Variants in GRHL2 observed in about 807,000 individuals in gnomAD.
GRHL2 encodes grainyhead-like protein 2 homolog.
In GRHL2, 21 loss-of-function variants were observed where a neutral mutation model predicts 83.8. The observed-to-expected ratio is 0.25, with a 90% CI of 0.18 to 0.36. GRHL2 has a LOEUF of 0.36. Among genes scored for constraint, GRHL2 ranks in the 10% least tolerant of loss-of-function variants. GRHL2 has a pLI of 1.00. For synonymous variants in GRHL2, 280 were observed against 278.9 expected (o/e 1.00, Z -0.04); for missense variants, 623 against 781.8 (o/e 0.80, Z 2.42).
At chr8:101,622,626 G>C (rs1285184031) in intron 9 of GRHL2, among the ~76,000 whole-genome samples, 1 of 152,124 alleles carries the variant, frequency 6.6e-6, no homozygotes, top group East Asian at 1.9e-4. Context: ...TAGATGCTGG[G>C]AAGAGAGAGG....
chr8:101,597,096 A>C (rs1268113257), intron 7 of GRHL2, among the ~76,000 whole-genome samples: 1 of 152,182 alleles, frequency 6.6e-6, no homozygotes, highest in Admixed American at 6.5e-5. Context: ...GTAGAGAGAA[A>C]AAGGGAAATA....
chr8:101,591,736 A>C (rs1812286786), intron 7 of GRHL2, among the ~76,000 whole-genome samples: 1 of 152,154 alleles, frequency 6.6e-6, no homozygotes. Flanking sequence ...TGCTTCATAG[A>C]GTGGTTGCCA....
chr8:101,608,779 C>T (rs937852569), intron 8 of GRHL2, among the ~76,000 whole-genome samples: 9 of 134,008 alleles, frequency 6.7e-5, no homozygotes, highest in Non-Finnish European at 1.1e-4. Flanking sequence ...ACACACACAC[C>T]TACACCTCAT....
intron 3 of GRHL2, among the ~76,000 whole-genome samples, chr8:101,554,507 A>AT (rs1336280375): frequency 1.3e-5 from 2 of 151,382 alleles, no homozygotes; most frequent in Non-Finnish European, 2.9e-5. Context: ...TACTTTTGTG[A>AT]TTTTCATAGA....
chr8:101,579,578 G>A (rs1419203714), intron 7 of GRHL2, among the ~76,000 whole-genome samples: 1 of 152,116 alleles, frequency 6.6e-6, no homozygotes, highest in African/African-American at 2.4e-5. Flanking sequence ...AATGAGACAT[G>A]AATTTTCTGA....
At chr8:101,530,077 C>T (rs1005548217) in intron 1 of GRHL2, among the ~76,000 whole-genome samples, 5 of 152,194 alleles carry the variant, frequency 3.3e-5, no homozygotes, top group Non-Finnish European at 5.9e-5. Context: ...TTCCATTGGG[C>T]ACACTGTACA....
intron 7 of GRHL2, among the ~76,000 whole-genome samples, chr8:101,597,224 A>G (rs1389845806): frequency 6.6e-6 from 1 of 152,132 alleles, no homozygotes; most frequent in Non-Finnish European, 1.5e-5. Flanking sequence ...AGCTCCCAGG[A>G]GTATGAATTT....
chr8:101,493,610 T>C (rs1268151993), intron 1 of GRHL2, among the ~76,000 whole-genome samples: 5 of 152,036 alleles, frequency 3.3e-5, no homozygotes, highest in African/African-American at 1.2e-4. Flanking sequence ...CCCGACGGCG[T>C]CTGCACGCCC....
At chr8:101,530,017 C>A (rs1320119566) in intron 1 of GRHL2, among the ~76,000 whole-genome samples, 1 of 152,098 alleles carries the variant, frequency 6.6e-6, no homozygotes, top group Non-Finnish European at 1.5e-5. Context: ...CCTAGGAACC[C>A]CAAAGGCGGA....
chr8:101,640,753 A>G (rs957788826), intron 12 of GRHL2, among the ~76,000 whole-genome samples: 1 of 152,132 alleles, frequency 6.6e-6, no homozygotes, highest in South Asian at 2.1e-4. Context: ...GGGCAGTAGT[A>G]TCCTTGGTAG....
Position 101,492,784 on chromosome 8 carries a change from G to A in GRHL2, c.15G>A (p.Ser5=). 4.3e-6 allele frequency: 7 copies of A among 1,613,962 alleles called. No homozygotes were observed. The highest frequency in any genetic ancestry group is 5.9e-6 in the Non-Finnish European group (7 of 1,179,832). Reference sequence around the variant, plus strand: ...TTGGATCAAACATGTCACAAGAGTCGGACAAGTAAGTGGATCACACGCGCC... The same window carrying A: ...TTGGATCAAACATGTCACAAGAGTCAGACAAGTAAGTGGATCACACGCGCC... The part of the protein sequence containing the change: MSQE[S]DNNKRLVALV... Residue 5 remains serine (S), a synonymous_variant, in exon 1 of 16, where the codon TCG becomes TCA. Coordinates refer to ENST00000646743, the MANE Select transcript of GRHL2 (RefSeq NM_024915.4).
intron 8 of GRHL2, among the ~76,000 whole-genome samples, chr8:101,601,588 C>G (rs1812515936): frequency 6.6e-6 from 1 of 152,162 alleles, no homozygotes; most frequent in Non-Finnish European, 1.5e-5. Context: ...TTGCTCAGAG[C>G]AGTCAAGTTT....
chr8:101,661,485 A>G (rs753921228), intron 14 of GRHL2, among the ~76,000 whole-genome samples: 1 of 152,206 alleles, frequency 6.6e-6, no homozygotes, highest in Non-Finnish European at 1.5e-5. Context: ...TGTAACACAC[A>G]CACATCCTCC....
intron 1 of GRHL2, among the ~76,000 whole-genome samples, chr8:101,535,483 G>A (rs1284071162): frequency 1.3e-5 from 2 of 152,160 alleles, no homozygotes; most frequent in East Asian, 3.8e-4. Context: ...GAATGCCACT[G>A]TTTTGGTGTC....
intron 12 of GRHL2, 101 bp from the exon 13 acceptor site, chr8:101,644,030 G>C: frequency 3.0e-6 from 3 of 1,011,918 alleles, no homozygotes; most frequent in Non-Finnish European, 4.6e-6. Context: ...GGAGCATAGG[G>C]ACGGTATAAG....
In GRHL2 at chr8:101,577,530, C is replaced by T; in HGVS notation, c.1003+11C>T. The T allele has an allele frequency of 6.5e-7, 1 of 1,536,290 alleles. No homozygotes were observed. Among genetic ancestry groups the T allele is most frequent in the Non-Finnish European group, 9.0e-7 (1 of 1,109,614 alleles). ...GGGTCCTTGACATTGGTAAGTTGAC[C>T]TTGACTTCCCTGTATAGTCCTCGAT... On this transcript the variant is annotated intron_variant, in intron 7 of 15. Coordinates refer to ENST00000646743, the MANE Select transcript of GRHL2 (RefSeq NM_024915.4).
intron 2 of GRHL2, among the ~76,000 whole-genome samples, chr8:101,548,485 G>C (rs892894780): frequency 6.6e-6 from 1 of 152,238 alleles, no homozygotes; most frequent in Non-Finnish European, 1.5e-5. Flanking sequence ...CACATGCACA[G>C]ACCAGGACAG....
intron 15 of GRHL2, among the ~76,000 whole-genome samples, chr8:101,666,012 G>GCTAA (rs1814047380): frequency 1.3e-5 from 2 of 152,208 alleles, no homozygotes; most frequent in Admixed American, 6.6e-5. Flanking sequence ...TCAGCCATGT[G>GCTAA]CTAACTGAAT....
chr8:101,567,671 A>G (rs1272629474), intron 4 of GRHL2, among the ~76,000 whole-genome samples: 3 of 152,234 alleles, frequency 2.0e-5, no homozygotes, highest in African/African-American at 7.2e-5. Flanking sequence ...TTATTTCTTC[A>G]CAGTTCTTGT....
Sources: gnomAD v4.1 joint callset for allele counts (sites outside exome capture counted in the v4.1 genomes callset) on GRCh38, gnomAD v4.1.1 for gene constraint, MANE v1.5 for transcripts, NCBI Gene and HGNC (gene_info 2026-07-23, HGNC 2026-07-21) for gene names.